The following GUCY1A1 variants were observed in gnomAD, a reference collection of about 807,000 sequenced individuals.
GUCY1A1 encodes the protein guanylate cyclase 1 soluble subunit alpha 1, also known as guanylate cyclase soluble subunit alpha-1.
In GUCY1A1, 48 loss-of-function variants were observed where a neutral mutation model predicts 64.5. The observed-to-expected ratio is 0.74, with a 90% CI of 0.59 to 0.95. The LOEUF is 0.95. Ranked by LOEUF, GUCY1A1 falls within the 40% of genes least tolerant of loss-of-function variation. The pLI, the probability that GUCY1A1 is intolerant of heterozygous loss-of-function variation, is 0.00. For synonymous variants in GUCY1A1, 308 were observed against 303.4 expected, an observed-to-expected ratio of 1.02 and a Z score of -0.16; for missense variants, 804 against 825.3, an observed-to-expected ratio of 0.97 and a Z score of 0.32.
At chr4:155,687,070 T>A (rs749224763) in intron 2 of GUCY1A1, among the ~76,000 whole-genome samples, 17 of 152,156 alleles carry the variant, frequency 1.1e-4, no homozygotes, top group Admixed American at 5.9e-4. Context: ...CAAGCTTTGA[T>A]GCATGAAAAA....
At chr4:155,697,771 G>C (rs1368511828) in intron 3 of GUCY1A1, among the ~76,000 whole-genome samples, 3 of 152,136 alleles carry the variant, frequency 2.0e-5, no homozygotes. Context: ...CCTGCAAGCT[G>C]CATAGCATAG....
At chr4:155,693,466 A>G (rs1730020815) in intron 2 of GUCY1A1, among the ~76,000 whole-genome samples, 1 of 152,132 alleles carries the variant, frequency 6.6e-6, no homozygotes, top group South Asian at 2.1e-4. Context: ...ACCCATAAAA[A>G]TCATCACTAG....
At chr4:155,704,073 G>C (rs1047957397) in intron 4 of GUCY1A1, 80 bp downstream of exon 4, 21 of 793,208 alleles carry the variant, frequency 2.6e-5, no homozygotes, top group Non-Finnish European at 4.0e-5. Context: ...GTTACTGAAT[G>C]TGTCAGCCCT....
chr4:155,734,827 T>A lies in GUCY1A1; in HGVS notation c.*4596T>A, dbSNP rs2092042239. ...AATGTCATTTTCAACCAAAATTGAG[T>A]GTTAGAGTTTATGGTCTCTGTTATG... On this transcript the variant is annotated 3_prime_UTR_variant, in exon 10 of 10. Coordinates refer to ENST00000506455, the MANE Select transcript of GUCY1A1 (RefSeq NM_001130682.3). The A allele has an allele frequency of 6.6e-6, 1 of 151,892 alleles. No individual in the cohort carries two copies. Among genetic ancestry groups the A allele is most frequent in the African/African-American group, 2.4e-5 (1 of 41,388 alleles). 9.4% of individuals were successfully genotyped at this position (151,892 alleles called of 1,614,324 possible).
rs762576759 is a variant in GUCY1A1, at chr4:155,713,396, T to C, written c.1385T>C (p.Val462Ala). The C allele has an allele frequency of 6.2e-7, 1 of 1,614,046 alleles. No homozygotes were observed. Among genetic ancestry groups the C allele is most frequent in the Non-Finnish European group, 8.5e-7 (1 of 1,179,984 alleles). Residue 462 changes from valine (V) to alanine (A), a missense_variant, in exon 7 of 10, where the codon GTT becomes GCT. Val to Ala is a moderately conservative substitution (Grantham distance 64). Coordinates refer to ENST00000506455, the MANE Select transcript of GUCY1A1 (RefSeq NM_001130682.3). ...DLLCSIFPCE[V>A]AQQLWQGQVV... ...CTGTGCTCCATATTTCCCTGTGAGG[T>C]TGCTCAGCAGCTGTGGCAAGGGCAA...
chr4:155,722,734 T>G (rs1406044510), intron 9 of GUCY1A1, among the ~76,000 whole-genome samples: 1 of 152,164 alleles, frequency 6.6e-6, no homozygotes, highest in African/African-American at 2.4e-5. Flanking sequence ...TTGCTATACT[T>G]ACTATTACAG....
chr4:155,714,594 T>G (rs1732992413), intron 7 of GUCY1A1, among the ~76,000 whole-genome samples: 1 of 152,234 alleles, frequency 6.6e-6, no homozygotes, highest in Admixed American at 6.5e-5. Context: ...TTGTATGGCT[T>G]GAATCATCTT....
intron 9 of GUCY1A1, among the ~76,000 whole-genome samples, chr4:155,725,617 G>A (rs1272139266): frequency 3.3e-5 from 5 of 152,006 alleles, no homozygotes; most frequent in Non-Finnish European, 7.4e-5. Flanking sequence ...GTTTTTAACA[G>A]TATGAAACTA....
chr4:155,685,163 A>G (rs762315633), intron 2 of GUCY1A1, among the ~76,000 whole-genome samples: 13 of 152,170 alleles, frequency 8.5e-5, no homozygotes, highest in Non-Finnish European at 1.6e-4. Flanking sequence ...TTCTTGTGTA[A>G]AAAATACTAA....
At chr4:155,723,979 A>G (rs1338053500) in intron 9 of GUCY1A1, among the ~76,000 whole-genome samples, 1 of 152,044 alleles carries the variant, frequency 6.6e-6, no homozygotes, top group Non-Finnish European at 1.5e-5. Flanking sequence ...TTCTTAAGGC[A>G]CCAGCATCCT....
chr4:155,710,081 C>G lies in GUCY1A1; in HGVS notation c.377-461C>G, dbSNP rs535306846. Reference sequence around the variant, plus strand: ...AGGAAAAAATGCTTTGTAATCATTTCTAGACAAAACTGAGTTTCATGCCAG... The same window carrying G: ...AGGAAAAAATGCTTTGTAATCATTTGTAGACAAAACTGAGTTTCATGCCAG... On this transcript the variant is annotated intron_variant, in intron 5 of 9. Coordinates refer to ENST00000506455, the MANE Select transcript of GUCY1A1 (RefSeq NM_001130682.3). Among the ~76,000 whole-genome samples the G allele has an allele frequency of 4.6e-5, 7 of 152,262 alleles. No individual in the cohort carries two copies. In the South Asian group the frequency reaches 1.5e-3, roughly 32 times the overall value.
chr4:155,717,075 A>T, intron 7 of GUCY1A1, 84 bp from the exon 8 acceptor site: 1 of 977,090 alleles, frequency 1.0e-6, no homozygotes. Flanking sequence ...GAATTCTGCT[A>T]TATGACTTAA....
chr4:155,683,866 C>T (rs1227096867), intron 2 of GUCY1A1, among the ~76,000 whole-genome samples: 1 of 152,140 alleles, frequency 6.6e-6, no homozygotes, highest in Non-Finnish European at 1.5e-5. Context: ...AAAGTATTCC[C>T]TGCAGTGGCT....
Position 155,730,033 on chromosome 4 carries a change from A to C in GUCY1A1, c.1875A>C (p.Leu625Phe). The part of the protein sequence containing the change: ...KINVSPTTYR[L>F]LKDCPGFVFT... The stretch of plus-strand genomic sequence containing the variant: ...TATTATATTTTAATATTTTCAGATT[A>C]CTCAAAGACTGTCCTGGTTTCGTGT... Residue 625 changes from leucine to phenylalanine, a missense_variant, in exon 10 of 10, where the codon TTA becomes TTC. Leu to Phe is a conservative substitution (Grantham distance 22). Coordinates refer to ENST00000506455, the MANE Select transcript of GUCY1A1 (RefSeq NM_001130682.3). The C allele has an allele frequency of 6.3e-7, 1 of 1,581,544 alleles. No individual in the cohort carries two copies. Among genetic ancestry groups the C allele is most frequent in the Non-Finnish European group, 8.7e-7 (1 of 1,151,284 alleles).
chr4:155,694,692 A>G (rs1656714939), intron 2 of GUCY1A1, among the ~76,000 whole-genome samples: 1 of 152,188 alleles, frequency 6.6e-6, no homozygotes, highest in African/African-American at 2.4e-5. Flanking sequence ...AATACTTGCA[A>G]TAAAGACCAT....
chr4:155,669,939 C>T (rs28409830), intron 2 of GUCY1A1, among the ~76,000 whole-genome samples: 2,640 of 152,210 alleles, frequency 0.017, 77 homozygotes, highest in African/African-American at 0.061. Flanking sequence ...TTCTAATTAA[C>T]CTTTTTTCAG....
intron 2 of GUCY1A1, among the ~76,000 whole-genome samples, chr4:155,689,955 C>T (rs1409929094): frequency 1.3e-5 from 2 of 152,124 alleles, no homozygotes; most frequent in Admixed American, 1.3e-4. Context: ...CTCACACTTA[C>T]ATGTAGATGC....
In GUCY1A1 at chr4:155,713,419, C is replaced by A; in HGVS notation, c.1408C>A (p.Gln470Lys). Residue 470 changes from glutamine to lysine, a missense_variant, in exon 7 of 10, where the codon CAA (glutamine) becomes AAA (lysine). Coordinates refer to ENST00000506455, the MANE Select transcript of GUCY1A1 (RefSeq NM_001130682.3). Reference protein sequence around the residue: ...CEVAQQLWQGQVVQAKKFSNV... With the variant: ...CEVAQQLWQGKVVQAKKFSNV... Reference sequence around the variant, plus strand: ...GGTTGCTCAGCAGCTGTGGCAAGGGCAAGTTGTGCAAGCCAAGAAGTTCAG... The same window carrying A: ...GGTTGCTCAGCAGCTGTGGCAAGGGAAAGTTGTGCAAGCCAAGAAGTTCAG... 1 of 1,614,140 alleles carries A rather than the reference C, an allele frequency of 6.2e-7. No homozygotes were observed. Among genetic ancestry groups the A allele is most frequent in the Non-Finnish European group, 8.5e-7 (1 of 1,179,992 alleles).
rs1410579058 is a variant in GUCY1A1, at chr4:155,733,622, A to G, written c.*3391A>G. Among the ~76,000 whole-genome samples the G allele has an allele frequency of 1.3e-5, 2 of 151,610 alleles. No homozygotes were observed. The highest frequency in any genetic ancestry group is 4.8e-5 in the African/African-American group (2 of 41,310). On this transcript the variant is annotated 3_prime_UTR_variant, in exon 10 of 10. Transcript: ENST00000506455. ...AATATTAATAACTACAATAAGAGCCATTATTATTCACTTGAGGCACTTGTT... is the reference window on the plus strand; with the variant it reads ...AATATTAATAACTACAATAAGAGCCGTTATTATTCACTTGAGGCACTTGTT...
Sources: gnomAD v4.1 joint callset for allele counts (sites outside exome capture counted in the v4.1 genomes callset) on GRCh38, gnomAD v4.1.1 for gene constraint, MANE v1.5 for transcripts, NCBI Gene and HGNC (gene_info 2026-07-23, HGNC 2026-07-21) for gene names.